RBFOX1: variants seen among roughly 807,000 people sequenced by gnomAD.
The protein encoded by RBFOX1 is RNA binding fox-1 homolog 1.
In RBFOX1, 8 loss-of-function variants were observed where a neutral mutation model predicts 57.7. The ratio of observed to expected loss-of-function variants is 0.14; its 90% confidence interval spans 0.08 to 0.25. RBFOX1 has a LOEUF of 0.25. RBFOX1 is among the 10% of genes least tolerant of loss of function. The pLI is 1.00. For missense variants in RBFOX1, 611 were observed against 548.5 expected (o/e 1.11, Z -1.14); for synonymous variants, 326 against 222.4 (o/e 1.47, Z -4.15).
intron 2 of RBFOX1, among the ~76,000 whole-genome samples, chr16:6,414,572 G>T (rs1232858127): frequency 1.3e-5 from 2 of 152,208 alleles, no homozygotes; most frequent in African/African-American, 4.8e-5. Context: ...TACTGTGTAA[G>T]TTCGTTAAGC....
chr16:6,400,455 TAG>T (rs2093023357), intron 2 of RBFOX1, among the ~76,000 whole-genome samples: 1 of 152,214 alleles, frequency 6.6e-6, no homozygotes, highest in Non-Finnish European at 1.5e-5. Context: ...AGTGAATGTA[TAG>T]CTATAGATGC....
At chr16:7,298,091 A>G (rs536255545) in intron 4 of RBFOX1, among the ~76,000 whole-genome samples, 1 of 152,232 alleles carries the variant, frequency 6.6e-6, no homozygotes, top group African/African-American at 2.4e-5. Context: ...ATTTTCTTAG[A>G]GATTTTTCCA....
intron 3 of RBFOX1, among the ~76,000 whole-genome samples, chr16:6,855,294 G>A (rs1021809043): frequency 3.9e-5 from 6 of 152,080 alleles, no homozygotes; most frequent in East Asian, 1.9e-4. Context: ...CTAGTATACA[G>A]GTCTGAGATA....
At chr16:6,923,192 C>T (rs1222844620) in intron 3 of RBFOX1, among the ~76,000 whole-genome samples, 1 of 152,152 alleles carries the variant, frequency 6.6e-6, no homozygotes, top group Non-Finnish European at 1.5e-5. Context: ...TCCTGGTCTT[C>T]AGTTGCCTGC....
intron 3 of RBFOX1, among the ~76,000 whole-genome samples, chr16:6,670,328 C>T (rs2098756384): frequency 6.6e-6 from 1 of 152,054 alleles, no homozygotes; most frequent in African/African-American, 2.4e-5. Flanking sequence ...TCTTGGTCTC[C>T]CAAAATGCTG....
At chr16:6,705,508 A>G (rs981573570) in intron 3 of RBFOX1, 3 of 152,188 alleles carry the variant, frequency 2.0e-5, no homozygotes, top group Non-Finnish European at 4.4e-5. Context: ...CCCAGCAGCA[A>G]TGAGCATGCC....
intron 3 of RBFOX1, among the ~76,000 whole-genome samples, chr16:6,867,332 G>T (rs545680570): frequency 1.6e-4 from 25 of 151,980 alleles, no homozygotes; most frequent in South Asian, 8.3e-4. Context: ...TGATGGTTTT[G>T]TACAAGGAAT....
intron 1 of RBFOX1, among the ~76,000 whole-genome samples, chr16:6,186,767 T>C (rs539232825): frequency 6.6e-6 from 1 of 152,234 alleles, no homozygotes; most frequent in African/African-American, 2.4e-5. Flanking sequence ...CATGGCAACA[T>C]TGGTGCCAAT....
chr16:7,667,931 C>T (rs1354475176), intron 13 of RBFOX1, among the ~76,000 whole-genome samples: 1 of 152,162 alleles, frequency 6.6e-6, no homozygotes, highest in East Asian at 1.9e-4. Flanking sequence ...GCCTCGGTCT[C>T]CCAAAGTGCT....
In RBFOX1 at chr16:6,775,135, C is replaced by T. The variant is rs531721068; in HGVS notation, c.-16+120485C>T. ...GGTCAGGAGATCCAGACCATCCTGG[C>T]GAACATGGTGAAACCCCGTCTCTAC... is the stretch of plus-strand genomic sequence containing the variant. On this transcript the variant is annotated intron_variant, in intron 3 of 15. Coordinates refer to ENST00000550418, the MANE Select transcript of RBFOX1 (RefSeq NM_018723.4). 3.5e-5 allele frequency among the ~76,000 whole-genome samples: 5 copies of T among 143,812 alleles called. No individual in the cohort carries two copies. The East Asian group carries it at 8.2e-4, about 24-fold the overall frequency. 94.3% of individuals were successfully genotyped at this position (143,812 alleles called of 152,430 possible).
intron 4 of RBFOX1, among the ~76,000 whole-genome samples, chr16:7,279,046 C>T (rs559049005): frequency 1.3e-5 from 2 of 150,222 alleles, no homozygotes; most frequent in South Asian, 2.1e-4. Context: ...ATAAAAAGTC[C>T]TATTTTATCT....
chr16:7,132,645 A>C (rs1009667904), intron 4 of RBFOX1, among the ~76,000 whole-genome samples: 1 of 152,080 alleles, frequency 6.6e-6, no homozygotes, highest in Non-Finnish European at 1.5e-5. Context: ...AATAGTATTC[A>C]GCCCTGAAAA....
chr16:6,907,185 G>GGCAT (rs1273989926), intron 3 of RBFOX1, among the ~76,000 whole-genome samples: 13 of 152,048 alleles, frequency 8.5e-5, no homozygotes, highest in African/African-American at 3.1e-4. Context: ...ATGTCCTCCT[G>GGCAT]GCATCTGTAG....
intron 3 of RBFOX1, among the ~76,000 whole-genome samples, chr16:6,864,005 G>A (rs74007782): frequency 1.6e-5 from 1 of 63,484 alleles, no homozygotes; most frequent in Admixed American, 1.7e-4. Context: ...TTTTTTTTTT[G>A]TTGAGATTAT....
At chr16:6,613,724 G>T (rs994837276) in intron 2 of RBFOX1, among the ~76,000 whole-genome samples, 1 of 152,180 alleles carries the variant, frequency 6.6e-6, no homozygotes, top group Non-Finnish European at 1.5e-5. Context: ...ATCACTCGAG[G>T]CCAAGCGTTT....
intron 4 of RBFOX1, among the ~76,000 whole-genome samples, chr16:7,446,439 C>T (rs1391513156): frequency 1.3e-5 from 2 of 152,190 alleles, no homozygotes; most frequent in African/African-American, 2.4e-5. Flanking sequence ...TCAGCAAGTT[C>T]TCCCTCACTG....
intron 1 of RBFOX1, among the ~76,000 whole-genome samples, chr16:5,251,908 A>C (rs1209366949): frequency 6.7e-6 from 1 of 150,320 alleles, no homozygotes; most frequent in Non-Finnish European, 1.5e-5. Flanking sequence ...AAAAAAAAAG[A>C]AGAAGTGGGG....
At chr16:6,570,062 C>T (rs192064516) in intron 2 of RBFOX1, among the ~76,000 whole-genome samples, 1 of 152,278 alleles carries the variant, frequency 6.6e-6, no homozygotes, top group East Asian at 1.9e-4. Context: ...TTGTCATGCG[C>T]TTGAAGTATT....
chr16:7,416,886 C>T (rs565258761), intron 4 of RBFOX1, among the ~76,000 whole-genome samples: 3 of 152,264 alleles, frequency 2.0e-5, no homozygotes, highest in East Asian at 1.9e-4. Flanking sequence ...CAACAACCCT[C>T]TGAAGGAGGT....
Sources: allele counts gnomAD v4.1 joint callset (sites outside exome capture counted in the v4.1 genomes callset), GRCh38; gene constraint gnomAD v4.1.1; transcripts MANE v1.5; gene names NCBI Gene and HGNC (gene_info 2026-07-23, HGNC 2026-07-21).